P4HA1: variants seen among roughly 807,000 people sequenced by gnomAD.
The protein encoded by P4HA1 is prolyl 4-hydroxylase subunit alpha-1.
P4HA1 carries 24 observed loss-of-function variants against 72.8 expected under a neutral mutation model. The ratio of observed to expected loss-of-function variants is 0.33; its 90% CI spans 0.24 to 0.46. The LOEUF (loss-of-function observed/expected upper bound fraction) is 0.46, where lower values mean the gene tolerates loss of function less well. P4HA1 is among the 20% of genes least tolerant of loss of function. P4HA1 has a pLI of 1.00. For missense variants in P4HA1, 446 were observed against 640.6 expected (o/e 0.70, Z 3.28); for synonymous variants, 201 against 218.8 (o/e 0.92, Z 0.72).
At chr10:73,053,961 G>A (rs1201941250) in intron 5 of P4HA1, among the ~76,000 whole-genome samples, 1 of 151,182 alleles carries the variant, frequency 6.6e-6, no homozygotes, top group African/African-American at 2.4e-5. Flanking sequence ...CTGTTGCCCA[G>A]GCTGGAATGC....
At chr10:73,074,341 C>T (rs981704991) in intron 2 of P4HA1, among the ~76,000 whole-genome samples, 16 of 152,056 alleles carry the variant, frequency 1.1e-4, no homozygotes, top group African/African-American at 3.1e-4. Flanking sequence ...ATGGGCCAGG[C>T]GTGGCAGCTC....
chr10:73,070,142 CTTTTTTTTTTT>C (rs71021546), intron 4 of P4HA1, among the ~76,000 whole-genome samples: 19 of 64,504 alleles, frequency 2.9e-4, no homozygotes, highest in South Asian at 1.7e-3. Context: ...GAGACCAGGC[CTTTTTTTTTTT>C]TTTTTTTTTT....
chr10:73,078,824 C>T (rs1380275010), intron 1 of P4HA1, among the ~76,000 whole-genome samples: 1 of 151,944 alleles, frequency 6.6e-6, no homozygotes, highest in Non-Finnish European at 1.5e-5. Flanking sequence ...ATTGGCCAGG[C>T]TGGTCTCAAA....
At chr10:73,068,695 G>T in intron 5 of P4HA1, 151 bp downstream of exon 5, 2 of 612,124 alleles carry the variant, frequency 3.3e-6, no homozygotes, top group East Asian at 2.8e-5. Flanking sequence ...CTAAGAGAAA[G>T]GGAAGGTGAT....
At position 73,026,261 on chromosome 10, in the gene P4HA1, T is replaced by C. The variant is rs139774707; in HGVS notation, c.1248+4010A>G. 3.2e-3 allele frequency among the ~76,000 whole-genome samples: 494 copies of C among 152,188 alleles called. 4 individuals carry two copies. The highest frequency in any genetic ancestry group is 4.8e-3 in the Non-Finnish European group (329 of 68,000). On this transcript the variant is annotated intron_variant, in intron 10 of 14. Coordinates refer to ENST00000394890, the MANE Select transcript of P4HA1 (RefSeq NM_001017962.3). ...TAGTACTGGTACCAAAACAGAGACA[T>C]AGACCAATAGAACAGAACAGAGGCC...
chr10:73,051,963 G>A (rs542569933), intron 6 of P4HA1, among the ~76,000 whole-genome samples: 3 of 152,128 alleles, frequency 2.0e-5, no homozygotes, highest in Non-Finnish European at 4.4e-5. Context: ...GGAAGACAGG[G>A]GATAAGCAAT....
chr10:73,071,290 A>T (rs1013366465), intron 4 of P4HA1: 2 of 152,126 alleles, frequency 1.3e-5, no homozygotes, highest in East Asian at 1.9e-4. Context: ...AGTACTTGCC[A>T]TATTTTTCTT....
intron 1 of P4HA1, among the ~76,000 whole-genome samples, chr10:73,078,951 T>A (rs374323914): frequency 6.6e-6 from 1 of 151,398 alleles, no homozygotes; most frequent in Non-Finnish European, 1.5e-5. Context: ...CCAGACCTCC[T>A]ATAATATATT....
intron 1 of P4HA1, among the ~76,000 whole-genome samples, chr10:73,078,085 A>C (rs1841742650): frequency 6.6e-6 from 1 of 151,444 alleles, no homozygotes; most frequent in African/African-American, 2.4e-5. Context: ...AAAAAAAAAA[A>C]AACCTTTAAA....
intron 5 of P4HA1, among the ~76,000 whole-genome samples, chr10:73,066,209 A>G (rs920513514): frequency 2.0e-4 from 30 of 152,168 alleles, no homozygotes; most frequent in Non-Finnish European, 4.0e-4. Flanking sequence ...TTTACCACTT[A>G]TAGGGTATAA....
chr10:73,007,406 C>A lies in P4HA1; in HGVS notation c.*816G>T, dbSNP rs1213053851. ...TAAGGCACAGTATTTAATCAGAATG[C>A]CAATATTACCACCCTGCTGTAGCAG... is the stretch of plus-strand genomic sequence containing the variant. On this transcript the variant is annotated 3_prime_UTR_variant, in exon 15 of 15. Transcript: ENST00000394890. The A allele has an allele frequency of 1.3e-5, 2 of 152,374 alleles. No homozygotes were observed. Among genetic ancestry groups the A allele is most frequent in the East Asian group, 1.9e-4 (1 of 5,186 alleles). The allele number at this position is 152,374 out of a possible 1,614,324, so 9.4% of individuals were successfully genotyped here.
At chr10:73,089,003 C>A (rs902609311) in intron 1 of P4HA1, among the ~76,000 whole-genome samples, 1 of 152,134 alleles carries the variant, frequency 6.6e-6, no homozygotes, top group Non-Finnish European at 1.5e-5. Flanking sequence ...ATTTTAGAAT[C>A]GGCTCATTAA....
chr10:73,070,488 A>G (rs923789225), intron 4 of P4HA1, among the ~76,000 whole-genome samples: 2 of 152,068 alleles, frequency 1.3e-5, no homozygotes, highest in African/African-American at 2.4e-5. Context: ...GCTAGAGTTT[A>G]TATCAAGCAT....
chr10:73,010,031 C>T lies in P4HA1; in HGVS notation c.1438-128G>A, dbSNP rs547759210. ...TCGCCCAGGCTGGAGTGCAATGGCA[C>T]GATCTCAGCTCACTGCAACCTCCAC... On this transcript the variant is annotated intron_variant, in intron 13 of 14. Transcript: ENST00000394890. 15 of 565,402 alleles carry T rather than the reference C, an allele frequency of 2.7e-5. No homozygotes were observed. The East Asian group carries it at 3.3e-4, about 13-fold the overall frequency. The allele number at this position is 565,402 out of a possible 1,614,324, so 35.0% of individuals were successfully genotyped here.
chr10:73,013,755 T>G (rs993138935), intron 12 of P4HA1, among the ~76,000 whole-genome samples: 1 of 152,162 alleles, frequency 6.6e-6, no homozygotes, highest in Non-Finnish European at 1.5e-5. Flanking sequence ...GGTTGTAATA[T>G]GCTATTTCTT....
chr10:73,022,086 G>C (rs1840148999), intron 10 of P4HA1, among the ~76,000 whole-genome samples: 1 of 152,230 alleles, frequency 6.6e-6, no homozygotes. Flanking sequence ...AAAGCCAGCA[G>C]ACAACTTCTG....
chr10:73,096,848 G>C lies in P4HA1; in HGVS notation c.-115C>G, dbSNP rs1192404255. ...AGCGGCTACTTCCTACCCTCAGCCCGCTGGCGGCGCGACTGGGCAGCAGAG... is the reference window on the plus strand; with the variant it reads ...AGCGGCTACTTCCTACCCTCAGCCCCCTGGCGGCGCGACTGGGCAGCAGAG... On this transcript the variant is annotated 5_prime_UTR_variant, in exon 1 of 15. Transcript: ENST00000394890. 4 of 152,708 alleles carry C rather than the reference G, an allele frequency of 2.6e-5. No individual in the cohort carries two copies. Among genetic ancestry groups the C allele is most frequent in the Non-Finnish European group, 4.4e-5 (3 of 68,132 alleles). The allele number at this position is 152,708 out of a possible 1,614,324, so 9.5% of individuals were successfully genotyped here. A position where few individuals can be genotyped will look rare whatever the true frequency, so the allele number is the denominator to read the frequency against.
At chr10:73,093,907 T>TACACACACAC (rs376131663) in intron 1 of P4HA1, among the ~76,000 whole-genome samples, 1 of 55,594 alleles carries the variant, frequency 1.8e-5, no homozygotes, top group African/African-American at 9.5e-5. Flanking sequence ...TATATATATA[T>TACACACACAC]ACACACACAC....
rs753250145 is a variant in P4HA1 at position 73,053,354 on chromosome 10, G to C, written c.700C>G (p.Leu234Val). Residue 234 changes from leucine (L) to valine (V), a missense_variant, in exon 6 of 15, where the codon CTA (leucine) becomes GTA (valine). Coordinates refer to ENST00000394890, the MANE Select transcript of P4HA1 (RefSeq NM_001017962.3). ...AAATTAGGCCCAGATAACATACCTA[G>C]TTCAAGAAGCTTCTTTGTGAGCAAA... ...ALLLTKKLLE[L>V]DPEHQRANGN... 1.2e-5 allele frequency: 19 copies of C among 1,613,942 alleles called. No homozygotes were observed. Among genetic ancestry groups the C allele is most frequent in the Middle Eastern group, 1.7e-4 (1 of 6,060 alleles).
Sources: gnomAD v4.1 joint callset for allele counts (sites outside exome capture counted in the v4.1 genomes callset) on GRCh38, gnomAD v4.1.1 for gene constraint, MANE v1.5 for transcripts, NCBI Gene and HGNC (gene_info 2026-07-23, HGNC 2026-07-21) for gene names.